Variants in SLC39A9 observed in about 807,000 individuals in gnomAD.
The protein encoded by SLC39A9 is solute carrier family 39 member 9, also known as zinc transporter ZIP9.
Under a neutral mutation model 28.4 loss-of-function variants are expected in SLC39A9, and 14 were observed. The ratio of observed to expected loss-of-function variants is 0.49; its 90% CI spans 0.33 to 0.77. The LOEUF is 0.77. Ranked by LOEUF, SLC39A9 falls within the 30% of genes least tolerant of loss-of-function variation. The pLI is 0.02. For missense variants in SLC39A9, 283 were observed against 381.1 expected (o/e 0.74, Z 2.14); for synonymous variants, 119 against 149.6 (o/e 0.80, Z 1.49).
chr14:69,400,819 T>C (rs996824424), intron 1 of SLC39A9, among the ~76,000 whole-genome samples: 1 of 152,002 alleles, frequency 6.6e-6, no homozygotes, highest in Non-Finnish European at 1.5e-5. Flanking sequence ...CAGCATCTAA[T>C]GATAGCATTT....
At position 69,399,427 on chromosome 14, in the gene SLC39A9, G is replaced by A; in HGVS notation, c.58G>A (p.Val20Met). 1.9e-6 allele frequency: 3 copies of A among 1,614,036 alleles called. No individual in the cohort carries two copies. The highest frequency in any genetic ancestry group is 1.7e-6 in the Non-Finnish European group (2 of 1,179,966). Residue 20 changes from valine (V) to methionine (M), a missense_variant, in exon 1 of 7, where the codon GTG becomes ATG. Transcript: ENST00000336643. ...LSLAMLVGCY[V>M]AGIIPLAVNF... ...TCTGGCTATGTTGGTGGGATGTTAC[G>A]TGGCCGGAATCATTCCCTTGGCTGT... is the stretch of plus-strand genomic sequence containing the variant.
chr14:69,402,138 A>G (rs1882671280), intron 1 of SLC39A9, among the ~76,000 whole-genome samples: 1 of 152,102 alleles, frequency 6.6e-6, no homozygotes, highest in South Asian at 2.1e-4. Flanking sequence ...AGGGGTGTCC[A>G]ATCTTTTGGC....
rs750445371 is a variant in SLC39A9 at position 69,399,442 on chromosome 14, C to T, written c.73C>T (p.Pro25Ser). 1.2e-6 allele frequency: 2 copies of T among 1,613,858 alleles called. No homozygotes were observed. Among genetic ancestry groups the T allele is most frequent in the African/African-American group, 1.3e-5 (1 of 74,896 alleles). The change falls in exon 1 of 7, where the codon CCC (proline) becomes TCC (serine). Residue 25 changes from proline to serine, a missense_variant. By Grantham distance (74) the Pro-to-Ser change is moderately conservative. Coordinates refer to ENST00000336643, the MANE Select transcript of SLC39A9 (RefSeq NM_018375.5). ...LVGCYVAGII[P>S]LAVNFSEERL... The stretch of plus-strand genomic sequence containing the variant: ...GGGATGTTACGTGGCCGGAATCATT[C>T]CCTTGGCTGTTAATTTCTCAGAGGT...
In SLC39A9 at chr14:69,461,795, A is replaced by G. The variant is rs1304334853; in HGVS notation, c.*3202A>G. The stretch of plus-strand genomic sequence containing the variant: ...CACAGGAACCGTATGACAGCAGCAC[A>G]AACCCCCAAAGGATGTTCCTGCCTT... On this transcript the variant is annotated 3_prime_UTR_variant, in exon 7 of 7. Coordinates refer to ENST00000336643, the MANE Select transcript of SLC39A9 (RefSeq NM_018375.5). 1 of 1,509,492 alleles carries G rather than the reference A, an allele frequency of 6.6e-7. No individual in the cohort carries two copies. Among genetic ancestry groups the G allele is most frequent in the Non-Finnish European group, 8.9e-7 (1 of 1,128,100 alleles). The allele number at this position is 1,509,492 out of a possible 1,614,324, so 93.5% of individuals were successfully genotyped here. A position where few individuals can be genotyped will look rare whatever the true frequency, so the allele number is the denominator to read the frequency against.
In SLC39A9 at chr14:69,460,737, C is replaced by G; in HGVS notation, c.*2144C>G. On this transcript the variant is annotated 3_prime_UTR_variant, in exon 7 of 7. Transcript: ENST00000336643. ...CCATCTGACTTCCAAATTTGCCTTC[C>G]CCTCTGGACCTCACTATTAACAAGC... 1 of 985,416 alleles carries G rather than the reference C, an allele frequency of 1.0e-6. No individual in the cohort carries two copies. Among genetic ancestry groups the G allele is most frequent in the Non-Finnish European group, 1.2e-6 (1 of 829,950 alleles). 61.0% of individuals were successfully genotyped at this position (985,416 alleles called of 1,614,324 possible).
chr14:69,401,210 A>T (rs1211179804), intron 1 of SLC39A9, among the ~76,000 whole-genome samples: 1 of 152,032 alleles, frequency 6.6e-6, no homozygotes, highest in Non-Finnish European at 1.5e-5. Flanking sequence ...GCAGAAGTTT[A>T]TTATTGTTGT....
chr14:69,447,913 CAAAAAAAA>C (rs34116080), intron 3 of SLC39A9, among the ~76,000 whole-genome samples: 25 of 97,134 alleles, frequency 2.6e-4, no homozygotes, highest in Non-Finnish European at 3.7e-4. Flanking sequence ...GCCCTGTCTC[CAAAAAAAA>C]AAAAAAAAAG....
Position 69,459,934 on chromosome 14 carries a change from T to C in SLC39A9, c.*1341T>C, listed in dbSNP as rs1435457647. 1.0e-6 allele frequency: 1 copy of C among 985,620 alleles called. No homozygotes were observed. The highest frequency in any genetic ancestry group is 6.1e-5 in the Admixed American group (1 of 16,266). 61.1% of individuals were successfully genotyped at this position (985,620 alleles called of 1,614,324 possible). A position where few individuals can be genotyped will look rare whatever the true frequency, so the allele number is the denominator to read the frequency against. On this transcript the variant is annotated 3_prime_UTR_variant, in exon 7 of 7. Coordinates refer to ENST00000336643, the MANE Select transcript of SLC39A9 (RefSeq NM_018375.5). ...AATTACCTTTGTGTCAAATGCCGCT[T>C]TGTTGAGCCCTTAAAATACCACCTC... is the stretch of plus-strand genomic sequence containing the variant.
Position 69,407,277 on chromosome 14 carries a change from T to C in SLC39A9, c.96+7812T>C, listed in dbSNP as rs1309097416. On this transcript the variant is annotated intron_variant, in intron 1 of 6. Transcript: ENST00000336643. The stretch of plus-strand genomic sequence containing the variant: ...GACGTTAATTTCCTTCCTTCCTTTC[T>C]TTCCTTTCCTTCCTTCCCTTCCTTC... Among the ~76,000 whole-genome samples the C allele has an allele frequency of 1.1e-3, 154 of 137,980 alleles. No individual in the cohort carries two copies. The Middle Eastern group carries it at 0.019, about 17-fold the overall frequency. The allele number at this position is 137,980 out of a possible 152,430, so 90.5% of individuals were successfully genotyped here. A position where few individuals can be genotyped will look rare whatever the true frequency, so the allele number is the denominator to read the frequency against.
rs772476765 is a variant in SLC39A9, at chr14:69,424,068, A to G, written c.97-26A>G. On this transcript the variant is annotated intron_variant, in intron 1 of 6. Coordinates refer to ENST00000336643, the MANE Select transcript of SLC39A9 (RefSeq NM_018375.5). ...TTCCCATTAATTAATCAAAGTTTGC[A>G]ATTATTTCTTTTGCTTTCTCCCCAG... is the stretch of plus-strand genomic sequence containing the variant. 3.3e-5 allele frequency: 52 copies of G among 1,577,368 alleles called. No individual in the cohort carries two copies. The South Asian group carries it at 5.2e-4, about 16-fold the overall frequency.
At chr14:69,446,203 A>G (rs1353246187) in intron 3 of SLC39A9, among the ~76,000 whole-genome samples, 1 of 151,944 alleles carries the variant, frequency 6.6e-6, no homozygotes, top group Non-Finnish European at 1.5e-5. Context: ...GAACCCCTAT[A>G]GGGACTTATT....
chr14:69,452,690 A>G (rs907939709), intron 3 of SLC39A9, among the ~76,000 whole-genome samples: 1 of 152,192 alleles, frequency 6.6e-6, no homozygotes, highest in African/African-American at 2.4e-5. Flanking sequence ...TATATTAGGG[A>G]AAAATGAGAG....
intron 1 of SLC39A9, among the ~76,000 whole-genome samples, chr14:69,409,845 AATCTAT>A (rs1177251123): frequency 6.6e-6 from 1 of 152,226 alleles, no homozygotes; most frequent in Non-Finnish European, 1.5e-5. Flanking sequence ...GAAGGTTCTC[AATCTAT>A]ATTACCAGTT....
intron 4 of SLC39A9, 82 bp downstream of exon 4, chr14:69,453,391 C>T: frequency 8.4e-6 from 11 of 1,316,224 alleles, no homozygotes; most frequent in South Asian, 1.2e-5. Context: ...GGACCGTCCT[C>T]ATTGAATGCT....
rs1035430823 is a variant in SLC39A9, at chr14:69,458,603, G to A, written c.*10G>A. On this transcript the variant is annotated 3_prime_UTR_variant, in exon 7 of 7. Coordinates refer to ENST00000336643, the MANE Select transcript of SLC39A9 (RefSeq NM_018375.5). ...AGGACACCAGCATTAAATGTTCAAG[G>A]TCCAGCCTTGGTCCAGGGCCGTTTG... 2 of 1,597,102 alleles carry A rather than the reference G, an allele frequency of 1.3e-6. No individual in the cohort carries two copies. The highest frequency in any genetic ancestry group is 2.7e-5 in the African/African-American group (2 of 74,626).
upstream of SLC39A9, chr14:69,398,483 TA>T (rs1342474997): frequency 8.4e-6 from 5 of 593,632 alleles, no homozygotes; most frequent in African/African-American, 7.5e-5. Flanking sequence ...TAGGAAGAAT[TA>T]TTTTTTTTCA....
At chr14:69,436,885 G>A (rs1009550776) in intron 2 of SLC39A9, among the ~76,000 whole-genome samples, 4 of 152,176 alleles carry the variant, frequency 2.6e-5, no homozygotes, top group Non-Finnish European at 4.4e-5. Context: ...AGTAACAGCA[G>A]AAAAGGCAGA....
intron 2 of SLC39A9, among the ~76,000 whole-genome samples, chr14:69,429,636 T>C (rs919495783): frequency 1.3e-5 from 2 of 152,194 alleles, no homozygotes; most frequent in African/African-American, 4.8e-5. Flanking sequence ...GGGGATTGCT[T>C]GAGCCTGGGA....
intron 1 of SLC39A9, among the ~76,000 whole-genome samples, chr14:69,410,004 A>G (rs1325903956): frequency 6.6e-6 from 1 of 152,174 alleles, no homozygotes; most frequent in Non-Finnish European, 1.5e-5. Flanking sequence ...TTGAACTCTT[A>G]TGTATCAATG....
Sources: gnomAD v4.1 joint callset for allele counts (sites outside exome capture counted in the v4.1 genomes callset) on GRCh38, gnomAD v4.1.1 for gene constraint, MANE v1.5 for transcripts, NCBI Gene and HGNC (gene_info 2026-07-23, HGNC 2026-07-21) for gene names.